Variants in CCS observed in about 807,000 individuals in gnomAD.
CCS encodes the protein copper chaperone for superoxide dismutase, also known as superoxide dismutase copper chaperone.
In CCS, 32 loss-of-function variants were observed where a neutral mutation model predicts 35.5. That is an observed-to-expected ratio of 0.90 (90% CI 0.68 to 1.21). The LOEUF (loss-of-function observed/expected upper bound fraction) is 1.21. CCS is among the 50% of genes most tolerant of loss of function. CCS has a pLI of 0.00. For synonymous variants in CCS, 130 were observed against 147.2 expected, an observed-to-expected ratio of 0.88 and a Z score of 0.84; for missense variants, 342 against 375.4, an observed-to-expected ratio of 0.91 and a Z score of 0.73.
At chr11:66,600,169 T>C (rs1858549433) in intron 4 of CCS, 1 of 247,934 alleles carries the variant, frequency 4.0e-6, no homozygotes, top group African/African-American at 2.2e-5. Context: ...AAGGTCCTGC[T>C]TATAACCACC....
chr11:66,599,410 G>T, intron 3 of CCS, 49 bp from the exon 4 acceptor site: 4 of 1,505,684 alleles, frequency 2.7e-6, no homozygotes, highest in Non-Finnish European at 3.6e-6. Flanking sequence ...TGCTGAAGAG[G>T]TGTGCTGGGT....
rs913235686 is a variant in CCS, at chr11:66,602,395, C to T, written c.489+1846C>T. 6.6e-5 allele frequency among the ~76,000 whole-genome samples: 10 copies of T among 152,280 alleles called. No homozygotes were observed. In the East Asian group the frequency reaches 1.9e-3, roughly 29 times the overall value. ...GACATCAGTTCTTTGCCACATGGGT[C>T]TCTCCCTAGGGCAGCTAACAACACG... On this transcript the variant is annotated intron_variant, in intron 5 of 7. Coordinates refer to ENST00000533244, the MANE Select transcript of CCS (RefSeq NM_005125.2).
intron 5 of CCS, among the ~76,000 whole-genome samples, chr11:66,602,367 AGAGAC>A (rs1173790495): frequency 6.6e-6 from 1 of 152,200 alleles, no homozygotes. Context: ...GCTGTTGGCC[AGAGAC>A]ATCAGTTCTT....
intron 2 of CCS, among the ~76,000 whole-genome samples, chr11:66,598,577 G>A (rs1231891769): frequency 6.7e-6 from 1 of 149,890 alleles, no homozygotes; most frequent in East Asian, 2.0e-4. Context: ...TTGTGGATTT[G>A]CCTATTCTAG....
At chr11:66,598,237 C>T (rs995006752) in intron 2 of CCS, among the ~76,000 whole-genome samples, 2 of 152,016 alleles carry the variant, frequency 1.3e-5, no homozygotes, top group African/African-American at 4.8e-5. Flanking sequence ...CGTGATGGCT[C>T]ATGCCTGTAA....
At position 66,605,341 on chromosome 11, in the gene CCS, C is replaced by T. The variant is rs779176053; in HGVS notation, c.492C>T (p.His164=). ...ACACACACTGGATCTCATTCCAGCACCGCGGAGACCTGGGCAATGTCCGTG... is the reference window on the plus strand; with the variant it reads ...ACACACACTGGATCTCATTCCAGCATCGCGGAGACCTGGGCAATGTCCGTG... ...SHGGPQDSDR[H]RGDLGNVRAD... The change falls in exon 6 of 8, where the codon CAC becomes CAT. Residue 164 remains histidine (H), a splice_region_variant and synonymous_variant. Transcript: ENST00000533244. The T allele has an allele frequency of 3.1e-6, 5 of 1,614,186 alleles. No homozygotes were observed. The South Asian group carries it at 5.5e-5, about 18-fold the overall frequency.
At chr11:66,602,956 T>C (rs369168524) in intron 5 of CCS, among the ~76,000 whole-genome samples, 7 of 152,238 alleles carry the variant, frequency 4.6e-5, no homozygotes, top group African/African-American at 1.7e-4. Context: ...TGGTTGTCCC[T>C]TGCACATCTC....
intron 2 of CCS, among the ~76,000 whole-genome samples, chr11:66,598,766 T>C (rs1858523192): frequency 6.6e-6 from 1 of 152,018 alleles, no homozygotes; most frequent in South Asian, 2.1e-4. Context: ...GTTATTTTTA[T>C]CTTTTGGCTA....
At position 66,605,738 on chromosome 11, in the gene CCS, T is replaced by C. The variant is rs1210411614; in HGVS notation, c.708T>C (p.Leu236=). 1.9e-6 allele frequency: 3 copies of C among 1,602,674 alleles called. No individual in the cohort carries two copies. Among genetic ancestry groups the C allele is most frequent in the Non-Finnish European group, 2.6e-6 (3 of 1,174,120 alleles). ...ACGIIARSAG[L]FQNPKQICSC... ...GCATCATTGCACGCTCCGCTGGCCT[T>C]TTCCAGAACCCCAAGCAGATCTGCT... The change falls in exon 8 of 8, where the codon CTT becomes CTC. Residue 236 remains leucine (L), a synonymous_variant. Coordinates refer to ENST00000533244, the MANE Select transcript of CCS (RefSeq NM_005125.2).
chr11:66,597,811 G>A (rs896589660), intron 2 of CCS, among the ~76,000 whole-genome samples: 1 of 151,714 alleles, frequency 6.6e-6, no homozygotes, highest in Non-Finnish European at 1.5e-5. Context: ...GCTCACGCCT[G>A]TAATTCCAGC....
In CCS at chr11:66,600,530, GC is replaced by G; in HGVS notation, c.475del (p.Gln159ArgfsTer30). 9.1e-6 allele frequency: 14 copies of G among 1,530,098 alleles called. No homozygotes were observed. Among genetic ancestry groups the G allele is most frequent in the South Asian group, 3.8e-5 (3 of 79,582 alleles). 94.8% of individuals were successfully genotyped at this position (1,530,098 alleles called of 1,614,324 possible). On this transcript the variant is annotated frameshift_variant, in exon 5 of 8. Transcript: ENST00000533244. LOFTEE classifies it high-confidence loss of function. The part of the protein sequence containing the change: ...HFNPDGASHG[G>X]PQDSDRHRGD... Reference sequence around the variant, plus strand: ...AACCCTGATGGAGCATCTCATGGGGGCCCCCAGGACTCTGACCGGGTAAGTG... The same window carrying G: ...AACCCTGATGGAGCATCTCATGGGGGCCCCAGGACTCTGACCGGGTAAGTG...
intron 3 of CCS, 52 bp from the exon 4 acceptor site, chr11:66,599,407 G>A (rs1858534105): frequency 6.6e-7 from 1 of 1,505,516 alleles, no homozygotes; most frequent in Non-Finnish European, 8.9e-7. Flanking sequence ...AGCTGCTGAA[G>A]AGGTGTGCTG....
chr11:66,595,887 A>C (rs1858468473), intron 2 of CCS, among the ~76,000 whole-genome samples: 1 of 152,180 alleles, frequency 6.6e-6, no homozygotes, highest in East Asian at 1.9e-4. Flanking sequence ...TCTTCTCTGG[A>C]GACCTGAGGG....
intron 2 of CCS, 27 bp downstream of exon 2, chr11:66,593,741 G>A (rs2134976783): frequency 1.2e-6 from 2 of 1,607,216 alleles, no homozygotes; most frequent in East Asian, 2.2e-5. Flanking sequence ...CTTTTCTGCA[G>A]ACAGTCCAGA....
At chr11:66,601,740 T>A (rs1791684) in intron 5 of CCS, among the ~76,000 whole-genome samples, 1 of 151,808 alleles carries the variant, frequency 6.6e-6, no homozygotes, top group Non-Finnish European at 1.5e-5. Context: ...ATTTTTTTTT[T>A]TTGTTTTTTT....
At chr11:66,594,786 A>C (rs1046777969) in intron 2 of CCS, among the ~76,000 whole-genome samples, 1 of 151,912 alleles carries the variant, frequency 6.6e-6, no homozygotes, top group Admixed American at 6.6e-5. Context: ...AAAAAAAAAA[A>C]AAAAAAAACA....
In CCS at chr11:66,605,745, A is replaced by G. The variant is rs1858647839; in HGVS notation, c.715A>G (p.Asn239Asp). 1.2e-6 allele frequency: 2 copies of G among 1,603,670 alleles called. No homozygotes were observed. The highest frequency in any genetic ancestry group is 2.7e-5 in the African/African-American group (2 of 74,460). Residue 239 changes from asparagine to aspartate, a missense_variant, in exon 8 of 8, where the codon AAC (asparagine) becomes GAC (aspartate). Asn to Asp is a conservative substitution (Grantham distance 23). Transcript: ENST00000533244. ...TGCACGCTCCGCTGGCCTTTTCCAG[A>G]ACCCCAAGCAGATCTGCTCTTGCGA... ...IIARSAGLFQNPKQICSCDGL... is the reference protein window; with the variant it reads ...IIARSAGLFQDPKQICSCDGL...
At position 66,593,215 on chromosome 11, in the gene CCS, C is replaced by G. The variant is rs759603666; in HGVS notation, c.-47C>G. 5 of 1,550,300 alleles carry G rather than the reference C, an allele frequency of 3.2e-6. No individual in the cohort carries two copies. Among genetic ancestry groups the G allele is most frequent in the Non-Finnish European group, 3.5e-6 (4 of 1,146,688 alleles). ...CCGCGACGCCGCGCTGGTTGGTGCT[C>G]CTGCGCCGGAGGAGTTCTGCGTCTC... On this transcript the variant is annotated 5_prime_UTR_variant, in exon 1 of 8. Coordinates refer to ENST00000533244, the MANE Select transcript of CCS (RefSeq NM_005125.2).
chr11:66,600,274 T>C, intron 4 of CCS: 1 of 391,900 alleles, frequency 2.6e-6, no homozygotes, highest in Non-Finnish European at 4.5e-6. Flanking sequence ...ACTAGTTGTT[T>C]ACTCATCTGT....
Sources: gnomAD v4.1 joint callset for allele counts (sites outside exome capture counted in the v4.1 genomes callset) on GRCh38, gnomAD v4.1.1 for gene constraint, MANE v1.5 for transcripts, NCBI Gene and HGNC (gene_info 2026-07-23, HGNC 2026-07-21) for gene names.